Variants in MED16 observed in about 807,000 individuals in gnomAD.
The protein encoded by MED16 is mediator of RNA polymerase II transcription subunit 16.
In MED16, 81 loss-of-function variants were observed where a neutral mutation model predicts 84.4. The ratio of observed to expected loss-of-function variants is 0.96; its 90% CI spans 0.80 to 1.15. The LOEUF (loss-of-function observed/expected upper bound fraction) is 1.15, where lower values mean the gene tolerates loss of function less well. MED16 is among the 50% of genes most tolerant of loss of function. The pLI, the probability that MED16 is intolerant of heterozygous loss-of-function variation, is 0.00. For synonymous variants in MED16, 897 were observed against 552.2 expected, an observed-to-expected ratio of 1.62 and a Z score of -8.76; for missense variants, 1,585 against 1,245.9, an observed-to-expected ratio of 1.27 and a Z score of -4.10.
Position 871,054 on chromosome 19 carries a change from C to A in MED16, c.2298G>T (p.Gln766His), listed in dbSNP as rs1188100993. The change falls in exon 13 of 16, where the codon CAG becomes CAT. Residue 766 changes from glutamine to histidine, a missense_variant. By Grantham distance (24) the Gln-to-His change is conservative. Coordinates refer to ENST00000325464, the MANE Select transcript of MED16 (RefSeq NM_005481.3). Reference sequence around the variant, plus strand: ...ACACGCACCTGGCGAGGCCGTCGAGCTGCAGGGTGGCAGCACTGCCAGGCA... The same window carrying A: ...ACACGCACCTGGCGAGGCCGTCGAGATGCAGGGTGGCAGCACTGCCAGGCA... ...PTLPGSAATL[Q>H]LDGLARAPGQ... 1.4e-5 allele frequency: 21 copies of A among 1,544,208 alleles called. No individual in the cohort carries two copies. The East Asian group carries it at 4.7e-4, about 34-fold the overall frequency.
chr19:881,772 G>A, intron 6 of MED16, 58 bp from the exon 7 acceptor site: 1 of 1,569,524 alleles, frequency 6.4e-7, no homozygotes, highest in Non-Finnish European at 8.7e-7. Context: ...GGCTGAGACA[G>A]CCGCAGGAGT....
intron 8 of MED16, among the ~76,000 whole-genome samples, chr19:878,694 G>A (rs1173956213): frequency 8.2e-4 from 10 of 12,144 alleles, no homozygotes; most frequent in South Asian, 2.6e-3. Context: ...CCAACCCCAC[G>A]TGCCCCAGCA....
chr19:875,465 G>A lies in MED16; in HGVS notation c.1561-11C>T. On this transcript the variant is annotated splice_polypyrimidine_tract_variant and intron_variant, in intron 9 of 15. Coordinates refer to ENST00000325464, the MANE Select transcript of MED16 (RefSeq NM_005481.3). ...CCGGGTGGAGAGGACCTGAGGGCAG[G>A]AAGCCAGGTCACCCCAAGGGGCCGG... 1 of 1,594,556 alleles carries A rather than the reference G, an allele frequency of 6.3e-7. No individual in the cohort carries two copies. The highest frequency in any genetic ancestry group is 8.5e-7 in the Non-Finnish European group (1 of 1,177,276).
intron 15 of MED16, 57 bp from the exon 16 acceptor site, chr19:868,308 C>G: frequency 6.3e-7 from 1 of 1,587,766 alleles, no homozygotes; most frequent in Non-Finnish European, 8.5e-7. Flanking sequence ...AGCGGTGGCT[C>G]TTGCAGCAGC....
chr19:883,042 G>A (rs978340656), intron 6 of MED16, among the ~76,000 whole-genome samples: 7 of 152,332 alleles, frequency 4.6e-5, no homozygotes, highest in South Asian at 2.1e-4. Flanking sequence ...GGAGGCAGCT[G>A]CCATGACGAC....
chr19:871,657 T>C (rs747306922), intron 12 of MED16: 4 of 1,583,102 alleles, frequency 2.5e-6, no homozygotes, highest in Non-Finnish European at 3.4e-6. Flanking sequence ...GGACCTGTGC[T>C]AGGAACTGGG....
intron 8 of MED16, among the ~76,000 whole-genome samples, chr19:877,692 C>T (rs1187708450): frequency 2.1e-5 from 3 of 145,536 alleles, no homozygotes; most frequent in African/African-American, 7.7e-5. Flanking sequence ...CTCGCCTTCC[C>T]CTGGTTGTCA....
chr19:880,539 G>A (rs1325566843), intron 7 of MED16, among the ~76,000 whole-genome samples: 1 of 152,100 alleles, frequency 6.6e-6, no homozygotes, highest in Non-Finnish European at 1.5e-5. Flanking sequence ...TCACACTGGG[G>A]TCTGCCATTG....
intron 10 of MED16, 99 bp downstream of exon 10, chr19:875,143 AAC>A: frequency 1.2e-6 from 1 of 800,926 alleles, no homozygotes; most frequent in Non-Finnish European, 1.8e-6. Context: ...CAGCCTGGGC[AAC>A]AGAGTAAGAC....
intron 1 of MED16, among the ~76,000 whole-genome samples, chr19:891,595 G>A (rs2036634555): frequency 1.3e-5 from 2 of 149,642 alleles, no homozygotes; most frequent in South Asian, 4.3e-4. Context: ...GCGGGGCTGA[G>A]TGACAGGGAA....
Position 868,072 on chromosome 19 carries a change from A to C in MED16, c.*29T>G. 4 of 1,576,014 alleles carry C rather than the reference A, an allele frequency of 2.5e-6. No individual in the cohort carries two copies. The highest frequency in any genetic ancestry group is 3.4e-6 in the Non-Finnish European group (4 of 1,166,554). On this transcript the variant is annotated 3_prime_UTR_variant, in exon 16 of 16. Transcript: ENST00000325464. ...ACCGAGGAGACGCCCGAGCCGGGTC[A>C]CCACAAGGTCCGCCTGGACCCCCGG...
intron 4 of MED16, among the ~76,000 whole-genome samples, chr19:888,161 G>A (rs2930904): frequency 0.012 from 1,754 of 149,736 alleles, 32 homozygotes; most frequent in African/African-American, 0.04. Flanking sequence ...CCGAGATCGC[G>A]CCACTACACT....
chr19:869,728 G>A (rs1291864795), intron 13 of MED16, among the ~76,000 whole-genome samples: 3 of 152,324 alleles, frequency 2.0e-5, no homozygotes, highest in African/African-American at 7.2e-5. Flanking sequence ...GCTGCTGGAG[G>A]TTCACTTCAT....
intron 13 of MED16, 64 bp downstream of exon 13, chr19:870,973 G>T (rs569675678): frequency 6.8e-7 from 1 of 1,464,756 alleles, no homozygotes; most frequent in East Asian, 2.5e-5. Context: ...GGATTCGGGG[G>T]TCCCGGGGCA....
intron 11 of MED16, chr19:873,194 G>T (rs1272290573): frequency 3.6e-6 from 2 of 557,352 alleles, no homozygotes; most frequent in Non-Finnish European, 6.1e-6. Flanking sequence ...GCAGGGCTAG[G>T]AAGTGGGGGT....
intron 1 of MED16, among the ~76,000 whole-genome samples, chr19:892,149 C>T (rs1293617713): frequency 1.3e-5 from 2 of 152,178 alleles, no homozygotes; most frequent in Non-Finnish European, 1.5e-5. Context: ...TGTTTCGCTT[C>T]GCAAAGGCAA....
Position 872,136 on chromosome 19 carries a change from C to CGGTGTGGCT in MED16, c.1906-27_1906-19dup. On this transcript the variant is annotated intron_variant, in intron 11 of 15. Transcript: ENST00000325464. ...AGGGAACCCTGCCCGAAAGAGGCATCGGTGTGGCTGGGGCGGCGGGGGGCA... is the reference window on the plus strand; with the variant it reads ...AGGGAACCCTGCCCGAAAGAGGCATCGGTGTGGCTGGTGTGGCTGGGGCGGCGGGGGGCA... 1 of 1,566,932 alleles carries CGGTGTGGCT rather than the reference C, an allele frequency of 6.4e-7. No homozygotes were observed. The highest frequency in any genetic ancestry group is 8.7e-7 in the Non-Finnish European group (1 of 1,154,720).
intron 4 of MED16, among the ~76,000 whole-genome samples, 176 bp from the exon 5 acceptor site, chr19:886,377 TCTC>T (rs112427239): frequency 5.9e-5 from 9 of 152,262 alleles, no homozygotes; most frequent in South Asian, 2.1e-4. Flanking sequence ...TGACCCTCCG[TCTC>T]CTCATCTGTA....
chr19:878,690 C>G (rs1471901911), intron 8 of MED16, among the ~76,000 whole-genome samples: 2 of 128,062 alleles, frequency 1.6e-5, no homozygotes, highest in African/African-American at 2.9e-5. Context: ...AGCCCCAACC[C>G]CACGTGCCCC....
Sources: allele counts gnomAD v4.1 joint callset (sites outside exome capture counted in the v4.1 genomes callset), GRCh38; gene constraint gnomAD v4.1.1; transcripts MANE v1.5; gene names NCBI Gene and HGNC (gene_info 2026-07-23, HGNC 2026-07-21).